KIAA1217: variants seen among roughly 807,000 people sequenced by gnomAD.
KIAA1217 encodes KIAA1217.
KIAA1217 carries 88 observed loss-of-function variants against 163.9 expected under a neutral mutation model. That is an observed-to-expected ratio of 0.54 (90% CI 0.45 to 0.64). KIAA1217 has a LOEUF of 0.64. Ranked by LOEUF, KIAA1217 falls within the 30% of genes least tolerant of loss-of-function variation. The pLI is 0.00. For missense variants in KIAA1217, 2,372 were observed against 2,475.0 expected, an observed-to-expected ratio of 0.96 and a Z score of 0.88; for synonymous variants, 903 against 923.1, an observed-to-expected ratio of 0.98 and a Z score of 0.39.
chr10:23,779,806 G>T (rs1835173654), intron 1 of KIAA1217, among the ~76,000 whole-genome samples: 1 of 152,124 alleles, frequency 6.6e-6, no homozygotes, highest in African/African-American at 2.4e-5. Context: ...AATGAACTGG[G>T]TATATGACAG....
intron 2 of KIAA1217, among the ~76,000 whole-genome samples, chr10:24,287,973 G>C (rs1001156697): frequency 6.6e-6 from 1 of 152,110 alleles, no homozygotes; most frequent in African/African-American, 2.4e-5. Flanking sequence ...AGTTTGGAAG[G>C]GCATCTCAGG....
At chr10:24,069,572 C>T (rs940278791) in intron 2 of KIAA1217, among the ~76,000 whole-genome samples, 1 of 152,188 alleles carries the variant, frequency 6.6e-6, no homozygotes, top group African/African-American at 2.4e-5. Flanking sequence ...AGACATCTCT[C>T]AATCAGATAG....
At chr10:24,524,240 G>A in intron 12 of KIAA1217, 83 bp from the exon 13 acceptor site, 1 of 1,428,786 alleles carries the variant, frequency 7.0e-7, no homozygotes, top group Non-Finnish European at 9.6e-7. Flanking sequence ...CTCTCACCTG[G>A]CTTTGGGATG....
At chr10:24,511,084 C>T (rs1017446107) in intron 9 of KIAA1217, among the ~76,000 whole-genome samples, 3 of 133,954 alleles carry the variant, frequency 2.2e-5, no homozygotes, top group African/African-American at 8.3e-5. Flanking sequence ...AGGAGTCTGG[C>T]GGAGGTTGCA....
At chr10:24,372,667 A>T (rs2051837766) in intron 2 of KIAA1217, among the ~76,000 whole-genome samples, 1 of 152,158 alleles carries the variant, frequency 6.6e-6, no homozygotes, top group Admixed American at 6.5e-5. Context: ...ATTTAAAAAG[A>T]ATGTTACCCG....
At chr10:23,977,352 T>A (rs1353160731) in intron 1 of KIAA1217, among the ~76,000 whole-genome samples, 1 of 152,158 alleles carries the variant, frequency 6.6e-6, no homozygotes, top group Non-Finnish European at 1.5e-5. Context: ...AGGGCAAATA[T>A]CATTACCTTC....
At chr10:23,983,414 G>A (rs1443315149) in intron 1 of KIAA1217, among the ~76,000 whole-genome samples, 1 of 152,134 alleles carries the variant, frequency 6.6e-6, no homozygotes, top group East Asian at 1.9e-4. Flanking sequence ...CTGCTTCTGG[G>A]GAAGCATCAA....
intron 5 of KIAA1217, among the ~76,000 whole-genome samples, chr10:24,453,244 T>C (rs1224031625): frequency 6.6e-6 from 1 of 152,218 alleles, no homozygotes; most frequent in African/African-American, 2.4e-5. Flanking sequence ...TTGATTGATT[T>C]AGAAAAACAC....
chr10:23,818,022 TAC>T lies in KIAA1217; in HGVS notation c.-321+122794_-321+122795del, dbSNP rs1211094876. 2.6e-4 allele frequency among the ~76,000 whole-genome samples: 34 copies of T among 128,740 alleles called. 1 individual carries two copies. Among genetic ancestry groups the T allele is most frequent in the African/African-American group, 1.0e-3 (33 of 32,188 alleles). 84.5% of individuals were successfully genotyped at this position (128,740 alleles called of 152,430 possible). Reference sequence around the variant, plus strand: ...ATATATATATATACACACATATATATACACACATATATATACATATATATACA... The same window carrying T: ...ATATATATATATACACACATATATATACACATATATATACATATATATACA... On this transcript the variant is annotated intron_variant, in intron 1 of 18. Transcript: ENST00000376462.
chr10:24,440,289 A>G (rs1537170), intron 5 of KIAA1217, among the ~76,000 whole-genome samples: 16,666 of 152,220 alleles, frequency 0.11, 964 homozygotes, highest in African/African-American at 0.15. Flanking sequence ...TAAATATTAC[A>G]GCACCATTTG....
At chr10:24,255,003 G>A (rs546235110) in intron 2 of KIAA1217, among the ~76,000 whole-genome samples, 3 of 152,088 alleles carry the variant, frequency 2.0e-5, no homozygotes, top group African/African-American at 7.2e-5. Flanking sequence ...ACAGGAGCCC[G>A]CCACCATGCC....
At chr10:23,803,399 A>G (rs568420120) in intron 1 of KIAA1217, among the ~76,000 whole-genome samples, 37 of 152,302 alleles carry the variant, frequency 2.4e-4, no homozygotes, top group Non-Finnish European at 4.7e-4. Context: ...CCCCCGTCCT[A>G]TGACCGCTCA....
chr10:23,891,600 T>C (rs1251647800), intron 1 of KIAA1217, among the ~76,000 whole-genome samples: 1 of 151,988 alleles, frequency 6.6e-6, no homozygotes, highest in Non-Finnish European at 1.5e-5. Context: ...TCTAAGGTAA[T>C]CATGGGCTTC....
At chr10:24,275,797 T>C in intron 2 of KIAA1217, 1 of 511,990 alleles carries the variant, frequency 2.0e-6, no homozygotes, top group South Asian at 1.5e-5. Context: ...TATTGACTTT[T>C]AGCATCAGTG....
chr10:24,197,348 A>G (rs1361194094), intron 2 of KIAA1217, among the ~76,000 whole-genome samples: 1 of 152,208 alleles, frequency 6.6e-6, no homozygotes, highest in Admixed American at 6.5e-5. Context: ...TTATGGAAAA[A>G]AGATGGTGTT....
rs575599936 is a variant in KIAA1217 at position 24,378,750 on chromosome 10, A to T, written c.355-2119A>T. On this transcript the variant is annotated intron_variant, in intron 2 of 20. Transcript: ENST00000376454. ...CAGCAGCAAGCTGGCATCAGAGGGGAGGGTACTGCGTGTGAGGAGACTGCT... is the reference window on the plus strand; with the variant it reads ...CAGCAGCAAGCTGGCATCAGAGGGGTGGGTACTGCGTGTGAGGAGACTGCT... 1.1e-4 allele frequency among the ~76,000 whole-genome samples: 16 copies of T among 152,028 alleles called. No individual in the cohort carries two copies. The South Asian group carries it at 3.1e-3, about 30-fold the overall frequency.
chr10:24,449,931 C>G (rs2061259559), intron 5 of KIAA1217, among the ~76,000 whole-genome samples: 1 of 152,216 alleles, frequency 6.6e-6, no homozygotes, highest in African/African-American at 2.4e-5. Context: ...AAGAAAACCT[C>G]TCTTTGTTAT....
rs1433378055 is a variant in KIAA1217 at position 24,393,741 on chromosome 10, C to A, written c.553+12674C>A. 4.6e-5 allele frequency among the ~76,000 whole-genome samples: 7 copies of A among 152,292 alleles called. No individual in the cohort carries two copies. In the East Asian group the frequency reaches 1.4e-3, roughly 29 times the overall value. On this transcript the variant is annotated intron_variant, in intron 3 of 20. Coordinates refer to ENST00000376454, the MANE Select transcript of KIAA1217 (RefSeq NM_019590.5). ...GATATAGACGTGTACAGAGAGAAGA[C>A]CATGTGAAGACATAAGAAAAAGACA...
At chr10:23,775,200 G>A (rs1456464686) in intron 1 of KIAA1217, among the ~76,000 whole-genome samples, 1 of 152,190 alleles carries the variant, frequency 6.6e-6, no homozygotes, top group Non-Finnish European at 1.5e-5. Flanking sequence ...GACAGTGAGA[G>A]TGGAAGGGAG....
Sources: gnomAD v4.1 joint callset for allele counts (sites outside exome capture counted in the v4.1 genomes callset) on GRCh38, gnomAD v4.1.1 for gene constraint, MANE v1.5 for transcripts, NCBI Gene and HGNC (gene_info 2026-07-23, HGNC 2026-07-21) for gene names.